The following NELL1 variants were observed in gnomAD, a reference collection of about 807,000 sequenced individuals.
NELL1 encodes the protein protein kinase C-binding protein NELL1.
NELL1 carries 76 observed loss-of-function variants against 107.4 expected under a neutral mutation model. The ratio of observed to expected loss-of-function variants is 0.71; its 90% CI spans 0.59 to 0.86. The LOEUF is 0.86. Among genes scored for constraint, NELL1 ranks in the 40% least tolerant of loss-of-function variants. The pLI is 0.00. For synonymous variants in NELL1, 353 were observed against 341.2 expected (o/e 1.03, Z -0.38); for missense variants, 1,024 against 1,005.5 (o/e 1.02, Z -0.25).
At chr11:21,120,798 A>G (rs1380308284) in intron 13 of NELL1, among the ~76,000 whole-genome samples, 4 of 152,198 alleles carry the variant, frequency 2.6e-5, no homozygotes, top group African/African-American at 9.6e-5. Flanking sequence ...CTACTTTTGC[A>G]TATTTCAAAA....
chr11:21,046,499 T>C (rs1029231328), intron 12 of NELL1, among the ~76,000 whole-genome samples: 1 of 152,088 alleles, frequency 6.6e-6, no homozygotes, highest in Non-Finnish European at 1.5e-5. Context: ...TTCGTTTATA[T>C]CATTACTTGA....
intron 2 of NELL1, among the ~76,000 whole-genome samples, chr11:20,774,010 T>C (rs1856692743): frequency 6.8e-6 from 1 of 147,848 alleles, no homozygotes; most frequent in Non-Finnish European, 1.5e-5. Flanking sequence ...TTTCCTTCCC[T>C]CCGTTCCTTT....
At chr11:21,382,826 A>T (rs926698265) in intron 15 of NELL1, among the ~76,000 whole-genome samples, 2 of 151,952 alleles carry the variant, frequency 1.3e-5, no homozygotes, top group Non-Finnish European at 2.9e-5. Context: ...CTCACCAAGC[A>T]AGCACACACT....
intron 12 of NELL1, among the ~76,000 whole-genome samples, chr11:21,064,996 TG>T (rs1378068671): frequency 6.6e-6 from 1 of 152,166 alleles, no homozygotes; most frequent in African/African-American, 2.4e-5. Flanking sequence ...TTTTTAACAA[TG>T]TAGAGTTTAA....
chr11:21,187,251 G>A (rs1380698692), intron 13 of NELL1, among the ~76,000 whole-genome samples: 1 of 151,796 alleles, frequency 6.6e-6, no homozygotes, highest in Non-Finnish European at 1.5e-5. Flanking sequence ...AAAGTGACAT[G>A]ACTTTATGGA....
rs778182867 is a variant in NELL1 at position 21,159,619 on chromosome 11, A to C, written c.1426+45905A>C. Among the ~76,000 whole-genome samples the C allele has an allele frequency of 5.4e-4, 82 of 152,332 alleles. 2 individuals are homozygous for C. The highest frequency in any genetic ancestry group is 1.4e-4 in the African/African-American group (6 of 41,586). Reference sequence around the variant, plus strand: ...AGAGCTAAAGATCCTGGCAGAAGGCATCTGATTTTGTGTGCTGAAGTCACA... The same window carrying C: ...AGAGCTAAAGATCCTGGCAGAAGGCCTCTGATTTTGTGTGCTGAAGTCACA... On this transcript the variant is annotated intron_variant, in intron 13 of 19. Coordinates refer to ENST00000357134, the MANE Select transcript of NELL1 (RefSeq NM_006157.5).
intron 12 of NELL1, among the ~76,000 whole-genome samples, chr11:21,047,509 C>T (rs1036598129): frequency 1.1e-4 from 16 of 151,946 alleles, no homozygotes; most frequent in Non-Finnish European, 2.4e-4. Flanking sequence ...TTTTGCATTA[C>T]TGAACAAATG....
At chr11:21,379,461 A>C (rs542795208) in intron 15 of NELL1, among the ~76,000 whole-genome samples, 1 of 152,224 alleles carries the variant, frequency 6.6e-6, no homozygotes, top group African/African-American at 2.4e-5. Context: ...GTATCTGATC[A>C]AGAATATTTA....
intron 2 of NELL1, among the ~76,000 whole-genome samples, chr11:20,746,287 A>G (rs1856001139): frequency 6.6e-6 from 1 of 152,170 alleles, no homozygotes; most frequent in African/African-American, 2.4e-5. Context: ...TTACACAAAA[A>G]TCTCCAAGTT....
At chr11:21,355,310 A>G (rs969496998) in intron 14 of NELL1, among the ~76,000 whole-genome samples, 2 of 152,180 alleles carry the variant, frequency 1.3e-5, no homozygotes, top group Non-Finnish European at 2.9e-5. Flanking sequence ...TCTCTGCTAT[A>G]TGAATTAACC....
intron 2 of NELL1, among the ~76,000 whole-genome samples, chr11:20,694,333 C>A (rs1854555539): frequency 6.6e-6 from 1 of 152,054 alleles, no homozygotes; most frequent in African/African-American, 2.4e-5. Context: ...GCCATAAATT[C>A]TTTGTCAAAG....
chr11:21,211,340 G>T (rs1435153727), intron 13 of NELL1, among the ~76,000 whole-genome samples: 1 of 152,106 alleles, frequency 6.6e-6, no homozygotes, highest in East Asian at 1.9e-4. Context: ...GAACTTTTGA[G>T]GCAGGAGACA....
At chr11:21,066,177 T>A (rs562055445) in intron 12 of NELL1, among the ~76,000 whole-genome samples, 1 of 152,278 alleles carries the variant, frequency 6.6e-6, no homozygotes, top group African/African-American at 2.4e-5. Flanking sequence ...CCTTTTTCTC[T>A]TTACCTTACT....
chr11:21,050,112 A>G (rs1351857919), intron 12 of NELL1, among the ~76,000 whole-genome samples: 2 of 152,194 alleles, frequency 1.3e-5, no homozygotes, highest in Non-Finnish European at 2.9e-5. Flanking sequence ...ATGAATAAAA[A>G]ATATAAGATA....
At chr11:21,275,087 C>A (rs1304676511) in intron 14 of NELL1, among the ~76,000 whole-genome samples, 1 of 152,044 alleles carries the variant, frequency 6.6e-6, no homozygotes, top group Non-Finnish European at 1.5e-5. Context: ...CAAAAAAACC[C>A]TTCAAAAAAT....
intron 2 of NELL1, among the ~76,000 whole-genome samples, chr11:20,782,403 C>T (rs908884888): frequency 6.6e-6 from 1 of 152,118 alleles, no homozygotes; most frequent in Non-Finnish European, 1.5e-5. Flanking sequence ...AAAGACTGTG[C>T]TGTTCTTTTC....
chr11:21,049,180 T>C (rs533304965), intron 12 of NELL1, among the ~76,000 whole-genome samples: 1 of 152,134 alleles, frequency 6.6e-6, no homozygotes, highest in African/African-American at 2.4e-5. Flanking sequence ...ATAATTCTGG[T>C]AATCCTATTC....
chr11:21,548,385 C>T (rs1856494062), intron 16 of NELL1, among the ~76,000 whole-genome samples: 1 of 151,710 alleles, frequency 6.6e-6, no homozygotes, highest in Non-Finnish European at 1.5e-5. Flanking sequence ...TGGGGCAATT[C>T]CAAAAGACAG....
intron 12 of NELL1, among the ~76,000 whole-genome samples, chr11:21,006,450 G>A (rs2134280547): frequency 6.6e-6 from 1 of 152,144 alleles, no homozygotes; most frequent in South Asian, 2.1e-4. Flanking sequence ...TAATTACCCA[G>A]TCTGTGGTAT....
Sources: allele counts gnomAD v4.1 joint callset (sites outside exome capture counted in the v4.1 genomes callset), GRCh38; gene constraint gnomAD v4.1.1; transcripts MANE v1.5; gene names NCBI Gene and HGNC (gene_info 2026-07-23, HGNC 2026-07-21).